Variants in TRIM17 observed in about 807,000 individuals in gnomAD.
TRIM17 encodes the protein E3 ubiquitin-protein ligase TRIM17.
Under a neutral mutation model 35.8 loss-of-function variants are expected in TRIM17, and 27 were observed. The ratio of observed to expected loss-of-function variants is 0.75; its 90% confidence interval spans 0.56 to 1.04. The LOEUF (loss-of-function observed/expected upper bound fraction) is 1.04. TRIM17 is among the 50% of genes least tolerant of loss of function. TRIM17 has a pLI of 0.00. For missense variants in TRIM17, 582 were observed against 612.8 expected, an observed-to-expected ratio of 0.95 and a Z score of 0.53; for synonymous variants, 246 against 252.6, an observed-to-expected ratio of 0.97 and a Z score of 0.25.
intron 3 of TRIM17, 76 bp downstream of exon 3, chr1:228,413,721 C>A: frequency 8.0e-7 from 1 of 1,256,660 alleles, no homozygotes. Flanking sequence ...CATATCCCCA[C>A]GGGCAGACAC....
chr1:228,413,211 CAAA>C (rs59069528), intron 3 of TRIM17, among the ~76,000 whole-genome samples: 99 of 103,932 alleles, frequency 9.5e-4, no homozygotes, highest in African/African-American at 2.7e-3. Flanking sequence ...AACTCCATCT[CAAA>C]AAAAAAAAAA....
Position 228,414,712 on chromosome 1 carries a change from A to G in TRIM17, c.361T>C (p.Cys121Arg). The change falls in exon 2 of 7, where the codon TGC becomes CGC. Residue 121 changes from cysteine to arginine, a missense_variant. Physicochemically the swap from Cys to Arg is radical, Grantham distance 180. Coordinates refer to ENST00000366698, the MANE Select transcript of TRIM17 (RefSeq NM_016102.4). ...AGCCGGTGCTCCCGGGACTCCCTGC[A>G]CACCACACAGATGGGGCTCTGGTCC... ...QKDQSPICVVCRESREHRLHR... is the reference protein window; with the variant it reads ...QKDQSPICVVRRESREHRLHR... 6.2e-7 allele frequency: 1 copy of G among 1,612,312 alleles called. No individual in the cohort carries two copies. The highest frequency in any genetic ancestry group is 1.1e-5 in the South Asian group (1 of 91,012).
rs754291917 is a variant in TRIM17 at position 228,408,630 on chromosome 1, C to T, written c.1005G>A (p.Val335=). 2 of 1,613,520 alleles carry T rather than the reference C, an allele frequency of 1.2e-6. No individual in the cohort carries two copies. The highest frequency in any genetic ancestry group is 2.2e-5 in the South Asian group (2 of 91,092). ...TCTGGCCCACAGCACAGGGGTAAGC[C>T]ACAAATCGGTCCTTGCTGCAGAACC... The part of the protein sequence containing the change: ...GSGFCSKDRF[V]AYPCAVGQTA... The change falls in exon 7 of 7, where the codon GTG becomes GTA. Residue 335 remains valine (V), a synonymous_variant. Transcript: ENST00000366698. This position sits in a 1 kb window ranked among gnomAD's most constrained non-coding sequence, Gnocchi z 6.3.
rs745474550 is a variant in TRIM17, at chr1:228,409,402, C to A, written c.766G>T (p.Glu256Ter). Residue 256 changes from glutamate to a stop codon, truncating the protein, a stop_gained, in exon 5 of 7, where the codon GAA becomes TAA. Transcript: ENST00000366698. LOFTEE classifies it high-confidence loss of function. ...GPLQMLQDMK[E>*]PLSRKNNVSV... ...GGGACCACATACCTGCTCAGGGGTT[C>A]CTTCATGTCCTGCAAAAGACAGGGA... 7.2e-6 allele frequency: 11 copies of A among 1,526,412 alleles called. No homozygotes were observed. In the East Asian group the frequency reaches 7.3e-5, roughly 10 times the overall value. The allele number at this position is 1,526,412 out of a possible 1,614,324, so 94.6% of individuals were successfully genotyped here. A position where few individuals can be genotyped will look rare whatever the true frequency, so the allele number is the denominator to read the frequency against.
In TRIM17 at chr1:228,408,625, T is replaced by C. The variant is rs764528144; in HGVS notation, c.1010A>G (p.Tyr337Cys). 8.1e-6 allele frequency: 13 copies of C among 1,613,522 alleles called. No individual in the cohort carries two copies. The highest frequency in any genetic ancestry group is 2.2e-5 in the South Asian group (2 of 91,086). The change falls in exon 7 of 7, where the codon TAC becomes TGC. Residue 337 changes from tyrosine (Y) to cysteine (C), a missense_variant. Tyr to Cys is a radical substitution (Grantham distance 194). Coordinates refer to ENST00000366698, the MANE Select transcript of TRIM17 (RefSeq NM_016102.4). This position sits in a 1 kb window ranked among gnomAD's most constrained non-coding sequence, Gnocchi z 6.3. ...GGCCGTCTGGCCCACAGCACAGGGG[T>C]AAGCCACAAATCGGTCCTTGCTGCA... is the stretch of plus-strand genomic sequence containing the variant. ...GFCSKDRFVAYPCAVGQTAFS... is the reference protein window; with the variant it reads ...GFCSKDRFVACPCAVGQTAFS...
chr1:228,414,736 CCTT>C lies in TRIM17; in HGVS notation c.334_336del (p.Lys112del), dbSNP rs1162281599. ...CACACCACACAGATGGGGCTCTGGT[CCTT>C]CTGGCAGAAAAGCTTGAGGGGCTCG... On this transcript the variant is annotated inframe_deletion, in exon 2 of 7. Transcript: ENST00000366698. 3 of 1,612,712 alleles carry C rather than the reference CCTT, an allele frequency of 1.9e-6. No individual in the cohort carries two copies. The highest frequency in any genetic ancestry group is 2.0e-4 in the Middle Eastern group (1 of 4,994).
chr1:228,409,173 T>C lies in TRIM17; in HGVS notation c.882A>G (p.Leu294=). Residue 294 remains leucine (L), a splice_region_variant and synonymous_variant, in exon 6 of 7, where the codon CTA becomes CTG. Transcript: ENST00000366698. Reference sequence around the variant, plus strand: ...TCCTGGCCCTGGGTGCCCACTTACCTAGAAAGCCTCTTAGCACTTCAATCT... The same window carrying C: ...TCCTGGCCCTGGGTGCCCACTTACCCAGAAAGCCTCTTAGCACTTCAATCT... ...PGQIEVLRGF[L]EDVVPDATSA... The C allele has an allele frequency of 1.2e-6, 2 of 1,614,026 alleles. No homozygotes were observed. The highest frequency in any genetic ancestry group is 1.7e-6 in the Non-Finnish European group (2 of 1,179,986).
Position 228,415,011 on chromosome 1 carries a change from T to A in TRIM17, c.62A>T (p.Asp21Val). Residue 21 changes from aspartate to valine, a missense_variant, in exon 2 of 7, where the codon GAT (aspartate) becomes GTT (valine). Physicochemically the swap from Asp to Val is radical, Grantham distance 152. Transcript: ENST00000366698. ...QEEATCSICL[D>V]YFTDPVMTTC... ...GGTCATCACAGGGTCTGTGAAGTAA[T>A]CCAGACAGATGGAGCACGTAGCTTC... The A allele has an allele frequency of 6.2e-7, 1 of 1,612,454 alleles. No homozygotes were observed. Among genetic ancestry groups the A allele is most frequent in the Non-Finnish European group, 8.5e-7 (1 of 1,179,460 alleles).
chr1:228,415,825 A>G (rs2149118269), intron 1 of TRIM17: 1 of 152,460 alleles, frequency 6.6e-6, no homozygotes, highest in Admixed American at 6.5e-5. Flanking sequence ...ACGCATACCC[A>G]CGCATACACA....
chr1:228,416,553 GC>G lies in TRIM17; in HGVS notation c.-57del, dbSNP rs1290533951. 32 of 985,592 alleles carry G rather than the reference GC, an allele frequency of 3.2e-5. No individual in the cohort carries two copies. The highest frequency in any genetic ancestry group is 3.9e-5 in the Non-Finnish European group (32 of 830,310). 61.1% of individuals were successfully genotyped at this position (985,592 alleles called of 1,614,324 possible). On this transcript the variant is annotated 5_prime_UTR_variant, in exon 1 of 7. Coordinates refer to ENST00000366698, the MANE Select transcript of TRIM17 (RefSeq NM_016102.4). ...GGGCTACTCACCGCGGGGAAGGGGG[GC>G]CCGCACAGCGCCTAGTGCACCTGGC...
rs371281273 is a variant in TRIM17, at chr1:228,409,338, C to G, written c.779+51G>C. 532 of 1,602,762 alleles carry G rather than the reference C, an allele frequency of 3.3e-4. 3 individuals are homozygous for G. The African/African-American group carries it at 6.5e-3, about 20-fold the overall frequency. On this transcript the variant is annotated intron_variant, in intron 5 of 6. Coordinates refer to ENST00000366698, the MANE Select transcript of TRIM17 (RefSeq NM_016102.4). ...CCTGGCCCGACAGTCTTATTGTCCCCCCCGCCCACCGCTGCCACTGCCCCC... is the reference window on the plus strand; with the variant it reads ...CCTGGCCCGACAGTCTTATTGTCCCGCCCGCCCACCGCTGCCACTGCCCCC...
Position 228,409,292 on chromosome 1 carries a change from C to T in TRIM17, c.780-17G>A, listed in dbSNP as rs779043029. 74 of 1,612,794 alleles carry T rather than the reference C, an allele frequency of 4.6e-5. No individual in the cohort carries two copies. Among genetic ancestry groups the T allele is most frequent in the Non-Finnish European group, 5.4e-5 (64 of 1,179,294 alleles). ...TTGTTCTTCCTCCGGTGGGCACACA[C>T]AGGGGAGTCTTATTGACTCCCCTGG... On this transcript the variant is annotated splice_polypyrimidine_tract_variant and intron_variant, in intron 5 of 6. Transcript: ENST00000366698.
In TRIM17 at chr1:228,410,540, A is replaced by C. The variant is rs891569647; in HGVS notation, c.756+406T>G. The stretch of plus-strand genomic sequence containing the variant: ...TCAGGTTGGAACCTGTAAGGGGCTG[A>C]CTTGTGTCCCCACTAATTCACAGGT... On this transcript the variant is annotated intron_variant, in intron 4 of 6. Transcript: ENST00000366698. This position sits in a 1 kb window ranked among gnomAD's most constrained non-coding sequence, Gnocchi z 4.6. Among the ~76,000 whole-genome samples the C allele has an allele frequency of 2.0e-5, 3 of 152,112 alleles. No homozygotes were observed. Among genetic ancestry groups the C allele is most frequent in the African/African-American group, 7.2e-5 (3 of 41,402 alleles).
intron 2 of TRIM17, among the ~76,000 whole-genome samples, chr1:228,414,327 C>A (rs539651016): frequency 6.6e-6 from 1 of 152,232 alleles, no homozygotes; most frequent in Non-Finnish European, 1.5e-5. Context: ...TCATGGAAAG[C>A]TTACAGGGAA....
Position 228,414,740 on chromosome 1 carries a change from C to A in TRIM17, c.333G>T (p.Gln111His). Residue 111 changes from glutamine (Q) to histidine (H), a missense_variant, in exon 2 of 7, where the codon CAG (glutamine) becomes CAT (histidine). By Grantham distance (24) the Gln-to-His change is conservative. Transcript: ENST00000366698. ...CCACACAGATGGGGCTCTGGTCCTT[C>A]TGGCAGAAAAGCTTGAGGGGCTCGT... is the stretch of plus-strand genomic sequence containing the variant. Reference protein sequence around the residue: ...EHHEPLKLFCQKDQSPICVVC... With the variant: ...EHHEPLKLFCHKDQSPICVVC... The A allele has an allele frequency of 1.2e-6, 2 of 1,612,790 alleles. No homozygotes were observed. The highest frequency in any genetic ancestry group is 1.7e-6 in the Non-Finnish European group (2 of 1,180,034).
At chr1:228,413,491 C>T (rs1408547950) in intron 3 of TRIM17, among the ~76,000 whole-genome samples, 3 of 151,996 alleles carry the variant, frequency 2.0e-5, no homozygotes, top group Non-Finnish European at 4.4e-5. Context: ...CGCCCTCTGG[C>T]TGCCTCCTTT....
chr1:228,411,152 GT>G lies in TRIM17; in HGVS notation c.549del (p.Glu183AspfsTer10). ...EWQGKVKERRERIVLEFEKMN... is the reference protein window; with the variant it reads ...EWQGKVKERRXRIVLEFEKMN... ...ATCTTCTCAAACTCCAGCACAATGC[GT>G]TCTCTCCGCTCCTTCACCTTGCCCT... On this transcript the variant is annotated frameshift_variant, in exon 4 of 7. Coordinates refer to ENST00000366698, the MANE Select transcript of TRIM17 (RefSeq NM_016102.4). LOFTEE classifies it high-confidence loss of function. This position sits in a 1 kb window ranked among gnomAD's most constrained non-coding sequence, Gnocchi z 4.2. 1 of 1,612,452 alleles carries G rather than the reference GT, an allele frequency of 6.2e-7. No individual in the cohort carries two copies. Among genetic ancestry groups the G allele is most frequent in the African/African-American group, 1.3e-5 (1 of 74,956 alleles).
chr1:228,413,646 C>G, intron 3 of TRIM17, 151 bp downstream of exon 3: 1 of 630,234 alleles, frequency 1.6e-6, no homozygotes, highest in South Asian at 1.9e-5. Context: ...CAGTTTCATT[C>G]TGAGGCCAGC....
At position 228,414,754 on chromosome 1, in the gene TRIM17, TGAG is replaced by T; in HGVS notation, c.316_318del (p.Leu106del). The T allele has an allele frequency of 6.2e-7, 1 of 1,612,912 alleles. No individual in the cohort carries two copies. Among genetic ancestry groups the T allele is most frequent in the Non-Finnish European group, 8.5e-7 (1 of 1,180,042 alleles). ...CTCTGGTCCTTCTGGCAGAAAAGCT[TGAG>T]GGGCTCGTGGTGCTCCTGGCACAGG... On this transcript the variant is annotated inframe_deletion, in exon 2 of 7. Transcript: ENST00000366698.
Sources: allele counts gnomAD v4.1 joint callset (sites outside exome capture counted in the v4.1 genomes callset), GRCh38; gene constraint gnomAD v4.1.1; non-coding constraint Gnocchi (gnomAD v3.1); transcripts MANE v1.5; gene names NCBI Gene and HGNC (gene_info 2026-07-23, HGNC 2026-07-21).